The following CHST11 variants were observed in gnomAD, a reference collection of about 807,000 sequenced individuals.
CHST11 encodes the protein carbohydrate sulfotransferase 11.
A neutral mutation model predicts 30.4 loss-of-function variants in CHST11; 9 were observed. That is an observed-to-expected ratio of 0.30 (90% CI 0.18 to 0.52). The LOEUF (loss-of-function observed/expected upper bound fraction) is 0.52. Ranked by LOEUF, CHST11 falls within the 20% of genes least tolerant of loss-of-function variation. The probability of loss-of-function intolerance (pLI) is 0.97; values close to 1 mark genes in which losing one functional copy is unlikely to be tolerated. For missense variants in CHST11, 348 were observed against 460.6 expected, an observed-to-expected ratio of 0.76 and a Z score of 2.24; for synonymous variants, 152 against 187.8, an observed-to-expected ratio of 0.81 and a Z score of 1.56.
intron 1 of CHST11, among the ~76,000 whole-genome samples, chr12:104,530,329 C>T (rs2038170364): frequency 2.0e-5 from 3 of 152,218 alleles, no homozygotes; most frequent in African/African-American, 2.4e-5. Context: ...AATTCCTCCA[C>T]GTCCTCACTT....
chr12:104,527,807 G>A (rs117931239), intron 1 of CHST11, among the ~76,000 whole-genome samples: 1 of 152,266 alleles, frequency 6.6e-6, no homozygotes, highest in South Asian at 2.1e-4. Context: ...TCACAGTTCT[G>A]CATGGCTGGG....
At chr12:104,707,799 G>C (rs528764580) in intron 2 of CHST11, among the ~76,000 whole-genome samples, 86 of 152,192 alleles carry the variant, frequency 5.7e-4, no homozygotes, top group African/African-American at 2.0e-3. Context: ...TGACAACGAG[G>C]ACACATAGAC....
chr12:104,488,036 G>A (rs1209392764), intron 1 of CHST11, among the ~76,000 whole-genome samples: 1 of 152,092 alleles, frequency 6.6e-6, no homozygotes, highest in Non-Finnish European at 1.5e-5. Flanking sequence ...AGCCTCCCAA[G>A]TAGCTGGGAC....
intron 2 of CHST11, among the ~76,000 whole-genome samples, chr12:104,696,923 T>G (rs2039952266): frequency 6.6e-6 from 1 of 152,218 alleles, no homozygotes; most frequent in Non-Finnish European, 1.5e-5. Flanking sequence ...CAACTATGTG[T>G]TTTGATGTCC....
At chr12:104,755,027 G>C (rs990512222) in intron 2 of CHST11, among the ~76,000 whole-genome samples, 1 of 152,204 alleles carries the variant, frequency 6.6e-6, no homozygotes, top group Non-Finnish European at 1.5e-5. Context: ...GATGGACATG[G>C]AGCTTAATGC....
intron 1 of CHST11, among the ~76,000 whole-genome samples, chr12:104,502,842 T>C (rs2037865000): frequency 6.6e-6 from 1 of 152,222 alleles, no homozygotes; most frequent in African/African-American, 2.4e-5. Context: ...AGGCAGGCCC[T>C]TCTACTGAGT....
chr12:104,714,212 C>G (rs2040110950), intron 2 of CHST11, among the ~76,000 whole-genome samples: 1 of 152,240 alleles, frequency 6.6e-6, no homozygotes, highest in Non-Finnish European at 1.5e-5. Context: ...TGTAAACAAA[C>G]TTGTTCAAGT....
At chr12:104,576,010 T>C (rs892171356) in intron 1 of CHST11, among the ~76,000 whole-genome samples, 1 of 151,620 alleles carries the variant, frequency 6.6e-6, no homozygotes, top group African/African-American at 2.4e-5. Flanking sequence ...GTGGGTGGCA[T>C]GTGTGCATGA....
At chr12:104,582,595 G>A (rs937612758) in intron 1 of CHST11, among the ~76,000 whole-genome samples, 2 of 152,042 alleles carry the variant, frequency 1.3e-5, no homozygotes, top group African/African-American at 4.8e-5. Flanking sequence ...CTTCTCATGG[G>A]GCCAATCACT....
intron 1 of CHST11, among the ~76,000 whole-genome samples, chr12:104,501,308 G>A (rs1015059387): frequency 6.6e-6 from 1 of 152,186 alleles, no homozygotes; most frequent in Non-Finnish European, 1.5e-5. Flanking sequence ...GTTTCAGAGT[G>A]TGTCCTTGAT....
chr12:104,480,345 AGGT>A (rs1431182728), intron 1 of CHST11, among the ~76,000 whole-genome samples: 2 of 152,160 alleles, frequency 1.3e-5, no homozygotes, highest in Non-Finnish European at 2.9e-5. Context: ...TGGGAGGCTG[AGGT>A]GGGTGGATCA....
chr12:104,602,472 A>G (rs1179130331), intron 2 of CHST11, among the ~76,000 whole-genome samples: 1 of 152,158 alleles, frequency 6.6e-6, no homozygotes, highest in African/African-American at 2.4e-5. Context: ...GCCTCAGTAA[A>G]TCTAACTCGT....
chr12:104,606,173 G>C (rs1447960050), intron 2 of CHST11, among the ~76,000 whole-genome samples: 1 of 77,358 alleles, frequency 1.3e-5, no homozygotes, highest in African/African-American at 3.9e-5. Context: ...TGGGGCGGGG[G>C]GCGGGGGGGG....
chr12:104,725,574 T>C (rs1382788235), intron 2 of CHST11, among the ~76,000 whole-genome samples: 2 of 151,798 alleles, frequency 1.3e-5, no homozygotes, highest in African/African-American at 2.4e-5. Flanking sequence ...CCCGCCGTGG[T>C]TGTTTTCTCA....
At chr12:104,578,824 G>C (rs2038710663) in intron 1 of CHST11, among the ~76,000 whole-genome samples, 1 of 152,214 alleles carries the variant, frequency 6.6e-6, no homozygotes, top group African/African-American at 2.4e-5. Flanking sequence ...GTTAATTGGA[G>C]ATAGACTGCC....
intron 1 of CHST11, among the ~76,000 whole-genome samples, chr12:104,517,036 C>G (rs147052787): frequency 2.9e-4 from 44 of 152,270 alleles, no homozygotes; most frequent in East Asian, 1.4e-3. Context: ...CTCTTTCCCC[C>G]CTTCCAAATC....
chr12:104,648,348 G>A (rs1302845256), intron 2 of CHST11, among the ~76,000 whole-genome samples: 2 of 152,216 alleles, frequency 1.3e-5, no homozygotes, highest in Non-Finnish European at 2.9e-5. Context: ...TAGGAGCAGA[G>A]TCATTTTGGG....
intron 1 of CHST11, among the ~76,000 whole-genome samples, chr12:104,593,872 A>G (rs1281633422): frequency 6.6e-6 from 1 of 152,212 alleles, no homozygotes; most frequent in Non-Finnish European, 1.5e-5. Flanking sequence ...CCACGACAGC[A>G]TATCATATTA....
At chr12:104,644,291 G>A (rs964300422) in intron 2 of CHST11, among the ~76,000 whole-genome samples, 3 of 152,130 alleles carry the variant, frequency 2.0e-5, no homozygotes, top group Non-Finnish European at 2.9e-5. Flanking sequence ...GCTGCATTTC[G>A]TCTCAGGTTG....
Sources: allele counts gnomAD v4.1 joint callset (sites outside exome capture counted in the v4.1 genomes callset), GRCh38; gene constraint gnomAD v4.1.1; transcripts MANE v1.5; gene names NCBI Gene and HGNC (gene_info 2026-07-23, HGNC 2026-07-21).